Variants in APOBEC3F observed in about 807,000 individuals in gnomAD.
APOBEC3F encodes apolipoprotein B mRNA editing enzyme catalytic subunit 3F.
In APOBEC3F, 34 loss-of-function variants were observed where a neutral mutation model predicts 45.8. The ratio of observed to expected loss-of-function variants is 0.74; its 90% CI spans 0.57 to 0.99. APOBEC3F has a LOEUF of 0.99. Ranked by LOEUF, APOBEC3F falls within the 50% of genes least tolerant of loss-of-function variation. The pLI is 0.00. For synonymous variants in APOBEC3F, 192 were observed against 174.4 expected (o/e 1.10, Z -0.80); for missense variants, 459 against 474.1 (o/e 0.97, Z 0.30).
In APOBEC3F at chr22:39,045,517, C is replaced by T. The variant is rs750066629; in HGVS notation, c.541C>T (p.His181Tyr). 5 of 1,614,160 alleles carry T rather than the reference C, an allele frequency of 3.1e-6. No individual in the cohort carries two copies. Among genetic ancestry groups the T allele is most frequent in the Non-Finnish European group, 4.2e-6 (5 of 1,179,994 alleles). Reference protein sequence around the residue: ...YKFDDNYAFLHRTLKEILRNP... With the variant: ...YKFDDNYAFLYRTLKEILRNP... ...ATTCGATGACAATTATGCATTCCTG[C>T]ACCGCACGCTAAAGGAGATTCTCAG... Residue 181 changes from histidine (H) to tyrosine (Y), a missense_variant, in exon 4 of 7, where the codon CAC becomes TAC. His to Tyr is a moderately conservative substitution (Grantham distance 83). Transcript: ENST00000308521.
At chr22:39,046,919 C>T (rs1264428931) in intron 4 of APOBEC3F, among the ~76,000 whole-genome samples, 1 of 152,052 alleles carries the variant, frequency 6.6e-6, no homozygotes, top group Non-Finnish European at 1.5e-5. Flanking sequence ...AAAAAGGCAA[C>T]CAGAGACCAG....
chr22:39,044,011 G>A (rs538065651), intron 2 of APOBEC3F: 142 of 1,467,134 alleles, frequency 9.7e-5, no homozygotes, highest in Non-Finnish European at 1.1e-4. Context: ...GGCAACAAGA[G>A]TGAAACTACG....
chr22:39,041,106 T>C, intron 1 of APOBEC3F, 129 bp downstream of exon 1: 1 of 1,415,728 alleles, frequency 7.1e-7, no homozygotes, highest in Non-Finnish European at 9.4e-7. Context: ...CTGGCTCCCC[T>C]GCCCCCGCCA....
intron 5 of APOBEC3F, among the ~76,000 whole-genome samples, chr22:39,050,684 C>T (rs181416878): frequency 2.3e-4 from 35 of 151,772 alleles, no homozygotes; most frequent in South Asian, 1.5e-3. Flanking sequence ...TTTTGAAATG[C>T]GCTGTGTATT....
intron 4 of APOBEC3F, among the ~76,000 whole-genome samples, chr22:39,047,787 T>C (rs2146346376): frequency 6.7e-6 from 1 of 149,560 alleles, no homozygotes; most frequent in East Asian, 2.0e-4. Flanking sequence ...CTCCCCGCCC[T>C]GGGATGGTGC....
chr22:39,049,378 G>A (rs1927371829), intron 4 of APOBEC3F, 47 bp from the exon 5 acceptor site: 3 of 1,600,840 alleles, frequency 1.9e-6, no homozygotes, highest in Non-Finnish European at 2.6e-6. Context: ...CAGCTCCGAG[G>A]AATCCAGGGG....
chr22:39,045,263 G>C, intron 3 of APOBEC3F, 43 bp downstream of exon 3: 1 of 1,602,784 alleles, frequency 6.2e-7, no homozygotes, highest in Non-Finnish European at 8.5e-7. Flanking sequence ...GGGAGGAACA[G>C]CATGAAAGAT....
In APOBEC3F at chr22:39,053,732, G is replaced by A. The variant is rs768526197; in HGVS notation, c.*1037G>A. On this transcript the variant is annotated 3_prime_UTR_variant, in exon 7 of 7. Transcript: ENST00000308521. The stretch of plus-strand genomic sequence containing the variant: ...TGTTAACTTTCATCCTACAAATTGG[G>A]TCATTCATGTCCTACGCAGCTAAAA... 1.3e-5 allele frequency: 2 copies of A among 152,148 alleles called. No individual in the cohort carries two copies. The highest frequency in any genetic ancestry group is 2.4e-5 in the African/African-American group (1 of 41,432). The allele number at this position is 152,148 out of a possible 1,614,324, so 9.4% of individuals were successfully genotyped here.
chr22:39,051,618 A>G (rs1369408711), intron 5 of APOBEC3F, among the ~76,000 whole-genome samples: 1 of 152,074 alleles, frequency 6.6e-6, no homozygotes, highest in Non-Finnish European at 1.5e-5. Flanking sequence ...TCAATGAGTA[A>G]AAAGCCCTGG....
At chr22:39,044,340 A>G in intron 2 of APOBEC3F, 1 of 1,405,466 alleles carries the variant, frequency 7.1e-7, no homozygotes, top group Non-Finnish European at 9.3e-7. Flanking sequence ...AGGGAAGCTC[A>G]TGTCTTGGTG....
In APOBEC3F at chr22:39,054,939, A is replaced by G. The variant is rs934584455; in HGVS notation, c.*2244A>G. 2.6e-5 allele frequency among the ~76,000 whole-genome samples: 4 copies of G among 152,118 alleles called. No homozygotes were observed. The highest frequency in any genetic ancestry group is 9.7e-5 in the African/African-American group (4 of 41,416). On this transcript the variant is annotated 3_prime_UTR_variant, in exon 7 of 7. Coordinates refer to ENST00000308521, the MANE Select transcript of APOBEC3F (RefSeq NM_145298.6). ...TCACAGATATGGAGGCTACAAGTCC[A>G]AGGTGGAGGGGTCGGCGGGGTTGTT...
At chr22:39,045,349 G>C in intron 3 of APOBEC3F, 79 bp from the exon 4 acceptor site, 2 of 1,608,868 alleles carry the variant, frequency 1.2e-6, no homozygotes, top group Non-Finnish European at 1.7e-6. Flanking sequence ...GACAGCAACT[G>C]ACAGCCAGGA....
intron 1 of APOBEC3F, among the ~76,000 whole-genome samples, chr22:39,042,680 G>A (rs1485172090): frequency 6.6e-6 from 1 of 152,148 alleles, no homozygotes; most frequent in Non-Finnish European, 1.5e-5. Context: ...CTGGGAAGGT[G>A]GGGAATGTAC....
intron 5 of APOBEC3F, 141 bp from the exon 6 acceptor site, chr22:39,051,933 C>T (rs1927506731): frequency 6.1e-6 from 8 of 1,305,602 alleles, no homozygotes; most frequent in East Asian, 2.3e-5. Flanking sequence ...CCAGCCTGGG[C>T]AACAGGAGAG....
rs758403326 is a variant in APOBEC3F at position 39,045,029 on chromosome 22, T to C, written c.260T>C (p.Ile87Thr). ...NQLPAYKCFQ[I>T]TWFVSWTPCP... ...CTGCCTGCTTACAAGTGTTTCCAGA[T>C]CACCTGGTTTGTATCCTGGACCCCC... The change falls in exon 3 of 7, where the codon ATC becomes ACC. Residue 87 changes from isoleucine (I) to threonine (T), a missense_variant. By Grantham distance (89) the Ile-to-Thr change is moderately conservative. Coordinates refer to ENST00000308521, the MANE Select transcript of APOBEC3F (RefSeq NM_145298.6). 20 of 1,614,008 alleles carry C rather than the reference T, an allele frequency of 1.2e-5. No homozygotes were observed. The East Asian group carries it at 2.0e-4, about 16-fold the overall frequency.
At position 39,045,581 on chromosome 22, in the gene APOBEC3F, C is replaced by T. The variant is rs375376827; in HGVS notation, c.566+39C>T. On this transcript the variant is annotated intron_variant, in intron 4 of 6. Transcript: ENST00000308521. ...TCTGGCCTCATCGTCTGTCTCCTCT[C>T]GCCTCCTGCTCATCCTCCTGAGGCC... The T allele has an allele frequency of 5.0e-6, 8 of 1,613,032 alleles. No individual in the cohort carries two copies. The African/African-American group carries it at 8.0e-5, about 16-fold the overall frequency.
chr22:39,040,898 G>A lies in APOBEC3F; in HGVS notation c.-63G>A. The stretch of plus-strand genomic sequence containing the variant: ...AGGGCTGTCCTGAAACCTGGAGCCT[G>A]GAGCAGAAAGTGAAACCCTGGTGCT... On this transcript the variant is annotated 5_prime_UTR_variant, in exon 1 of 7. Transcript: ENST00000308521. 2 of 1,553,330 alleles carry A rather than the reference G, an allele frequency of 1.3e-6. No individual in the cohort carries two copies. Among genetic ancestry groups the A allele is most frequent in the Non-Finnish European group, 1.7e-6 (2 of 1,147,762 alleles).
intron 1 of APOBEC3F, 137 bp from the exon 2 acceptor site, chr22:39,042,800 G>A: frequency 7.3e-7 from 1 of 1,373,340 alleles, no homozygotes; most frequent in Non-Finnish European, 9.8e-7. Flanking sequence ...TGCCTGGGAA[G>A]GAAGCAAAAA....
At chr22:39,048,332 A>G (rs1449696026) in intron 4 of APOBEC3F, among the ~76,000 whole-genome samples, 1 of 152,166 alleles carries the variant, frequency 6.6e-6, no homozygotes, top group South Asian at 2.1e-4. Context: ...GGCCCCCTGC[A>G]GGCCTCAGGC....
Sources: gnomAD v4.1 joint callset for allele counts (sites outside exome capture counted in the v4.1 genomes callset) on GRCh38, gnomAD v4.1.1 for gene constraint, MANE v1.5 for transcripts, NCBI Gene and HGNC (gene_info 2026-07-23, HGNC 2026-07-21) for gene names.